The following DNAH14 variants were observed in gnomAD, a reference collection of about 807,000 sequenced individuals.
DNAH14 encodes the protein dynein axonemal heavy chain 14, also known as axonemal beta dynein heavy chain 14.
DNAH14 carries 478 observed loss-of-function variants against 520.9 expected under a neutral mutation model. The ratio of observed to expected loss-of-function variants is 0.92; its 90% CI spans 0.85 to 0.99. The LOEUF is 0.99. Ranked by LOEUF, DNAH14 falls within the 50% of genes least tolerant of loss-of-function variation. The pLI is 0.00. For missense variants in DNAH14, 4,831 were observed against 5,234.5 expected, an observed-to-expected ratio of 0.92 and a Z score of 2.38; for synonymous variants, 1,581 against 1,757.2, an observed-to-expected ratio of 0.90 and a Z score of 2.51.
At chr1:225,100,341 G>A (rs753015524) in intron 22 of DNAH14, among the ~76,000 whole-genome samples, 12 of 152,126 alleles carry the variant, frequency 7.9e-5, no homozygotes, top group East Asian at 3.9e-4. Flanking sequence ...ATTAAATAAC[G>A]TCTTCTCCAA....
chr1:225,044,765 T>G (rs1288556057), intron 15 of DNAH14, among the ~76,000 whole-genome samples: 1 of 152,182 alleles, frequency 6.6e-6, no homozygotes, highest in Non-Finnish European at 1.5e-5. Context: ...ATCACAAAGT[T>G]GTTATAATTT....
chr1:225,129,398 C>T (rs1240579403), intron 27 of DNAH14, among the ~76,000 whole-genome samples: 7 of 150,494 alleles, frequency 4.7e-5, no homozygotes, highest in South Asian at 4.2e-4. Flanking sequence ...GGAGGCATCA[C>T]GCTACCTGAC....
chr1:225,222,644 T>C (rs755802474), intron 41 of DNAH14, among the ~76,000 whole-genome samples: 2 of 152,162 alleles, frequency 1.3e-5, no homozygotes, highest in Admixed American at 6.5e-5. Flanking sequence ...AGAGCACTGA[T>C]TGGTGCATTT....
At chr1:224,934,914 A>G (rs2058931178) in intron 1 of DNAH14, among the ~76,000 whole-genome samples, 1 of 151,918 alleles carries the variant, frequency 6.6e-6, no homozygotes, top group Admixed American at 6.6e-5. Context: ...AGAATATATT[A>G]TCAGCTAAAA....
chr1:225,228,269 G>A (rs1225937361), intron 41 of DNAH14, among the ~76,000 whole-genome samples: 1 of 152,168 alleles, frequency 6.6e-6, no homozygotes, highest in Non-Finnish European at 1.5e-5. Flanking sequence ...TTCTCTTACA[G>A]CAGGGTATAG....
At chr1:225,065,932 C>A (rs1220719855) in intron 17 of DNAH14, among the ~76,000 whole-genome samples, 3 of 151,954 alleles carry the variant, frequency 2.0e-5, no homozygotes, top group Admixed American at 6.6e-5. Context: ...TTTTGAGGAA[C>A]CTCCATACAG....
At chr1:224,946,525 T>TA (rs1331235366) in intron 1 of DNAH14, among the ~76,000 whole-genome samples, 2 of 152,146 alleles carry the variant, frequency 1.3e-5, no homozygotes, top group African/African-American at 4.8e-5. Context: ...ACCCGGTACC[T>TA]CAGTTGGAAA....
intron 10 of DNAH14, among the ~76,000 whole-genome samples, chr1:225,018,651 G>T (rs1206003243): frequency 1.3e-5 from 2 of 152,174 alleles, no homozygotes; most frequent in East Asian, 3.8e-4. Flanking sequence ...GGGAGTTAGA[G>T]AGAAGGGCAG....
chr1:225,384,254 C>T (rs944751820), intron 81 of DNAH14, among the ~76,000 whole-genome samples: 2 of 151,996 alleles, frequency 1.3e-5, no homozygotes, highest in South Asian at 2.1e-4. Flanking sequence ...CTATTAGGTC[C>T]GCTTGGTGCA....
At chr1:225,006,637 A>T (rs2064193143) in intron 9 of DNAH14, among the ~76,000 whole-genome samples, 1 of 152,134 alleles carries the variant, frequency 6.6e-6, no homozygotes, top group Non-Finnish European at 1.5e-5. Flanking sequence ...TTCTAGTCAG[A>T]TTGGTTGTCT....
chr1:225,320,437 T>C (rs185746581), intron 61 of DNAH14, among the ~76,000 whole-genome samples: 257 of 152,344 alleles, frequency 1.7e-3, no homozygotes, highest in African/African-American at 5.7e-3. Flanking sequence ...TTGAACTCCT[T>C]GAGTATGTCT....
At chr1:225,267,264 T>A (rs945729063) in intron 49 of DNAH14, among the ~76,000 whole-genome samples, 4 of 151,828 alleles carry the variant, frequency 2.6e-5, no homozygotes, top group Non-Finnish European at 4.4e-5. Context: ...TTATTTTTGT[T>A]ACATTGAACC....
At chr1:225,317,271 CAA>C (rs1313975980) in intron 60 of DNAH14, among the ~76,000 whole-genome samples, 3 of 152,036 alleles carry the variant, frequency 2.0e-5, no homozygotes, top group Admixed American at 1.3e-4. Context: ...TTAGACAAAA[CAA>C]GAGCCACTTC....
chr1:225,268,582 T>C (rs1383345703), intron 49 of DNAH14, among the ~76,000 whole-genome samples: 1 of 152,192 alleles, frequency 6.6e-6, no homozygotes, highest in East Asian at 1.9e-4. Context: ...GAAAACCCCA[T>C]CGTCTCAGCC....
At chr1:225,037,933 C>G (rs2067124188) in intron 11 of DNAH14, among the ~76,000 whole-genome samples, 1 of 152,110 alleles carries the variant, frequency 6.6e-6, no homozygotes. Context: ...TCTGATCTGC[C>G]CGCCTCGGCC....
chr1:225,188,146 A>T (rs57650955), intron 37 of DNAH14, among the ~76,000 whole-genome samples: 19,363 of 151,860 alleles, frequency 0.13, 1,370 homozygotes, highest in East Asian at 0.31. Flanking sequence ...TTTATATAGT[A>T]GTCTCCCTGT....
chr1:225,069,821 G>A (rs1389584268), intron 17 of DNAH14, among the ~76,000 whole-genome samples: 1 of 152,146 alleles, frequency 6.6e-6, no homozygotes, highest in Non-Finnish European at 1.5e-5. Flanking sequence ...GAATTCAACT[G>A]TGAATCCATC....
intron 27 of DNAH14, among the ~76,000 whole-genome samples, chr1:225,129,963 A>G (rs923779413): frequency 3.3e-5 from 5 of 152,300 alleles, no homozygotes; most frequent in African/African-American, 7.2e-5. Flanking sequence ...AACTCAAACA[A>G]ATTTACAAGA....
At position 225,080,422 on chromosome 1, in the gene DNAH14, C is replaced by T. The variant is rs1463970461; in HGVS notation, c.2810C>T (p.Thr937Ile). ...LLLCAGTQVS[T>I]AMEMIQTLSG... ...TTATGTGCTGGTACTCAAGTGTCAA[C>T]AGCAATGGAAATGATCCAGACTCTC... The change falls in exon 19 of 86, where the codon ACA becomes ATA. Residue 937 changes from threonine to isoleucine, a missense_variant. Transcript: ENST00000682510. The T allele has an allele frequency of 2.6e-6, 4 of 1,549,902 alleles. No individual in the cohort carries two copies. In the Admixed American group the frequency reaches 7.9e-5, roughly 30 times the overall value.
Sources: gnomAD v4.1 joint callset for allele counts (sites outside exome capture counted in the v4.1 genomes callset) on GRCh38, gnomAD v4.1.1 for gene constraint, MANE v1.5 for transcripts, NCBI Gene and HGNC (gene_info 2026-07-23, HGNC 2026-07-21) for gene names.